TOM1L1: variants seen among roughly 807,000 people sequenced by gnomAD.
The protein encoded by TOM1L1 is target of myb1 like 1 membrane trafficking protein, also known as TOM1-like protein 1.
A neutral mutation model predicts 63.4 loss-of-function variants in TOM1L1; 64 were observed. The ratio of observed to expected loss-of-function variants is 1.01; its 90% CI spans 0.83 to 1.24. The LOEUF (loss-of-function observed/expected upper bound fraction) is 1.24, where lower values mean the gene tolerates loss of function less well. Ranked by LOEUF, TOM1L1 falls within the 50% of genes most tolerant of loss-of-function variation. TOM1L1 has a pLI of 0.00. For missense variants in TOM1L1, 536 were observed against 567.0 expected, an observed-to-expected ratio of 0.95 and a Z score of 0.55; for synonymous variants, 166 against 194.4, an observed-to-expected ratio of 0.85 and a Z score of 1.22.
chr17:54,948,610 C>T (rs915409314), intron 12 of TOM1L1, among the ~76,000 whole-genome samples: 1 of 152,204 alleles, frequency 6.6e-6, no homozygotes, highest in Admixed American at 6.5e-5. Context: ...TCTCTCCCAC[C>T]CACTACTCTG....
At chr17:54,906,362 G>A (rs2048409667) in intron 3 of TOM1L1, among the ~76,000 whole-genome samples, 1 of 151,960 alleles carries the variant, frequency 6.6e-6, no homozygotes, top group Non-Finnish European at 1.5e-5. Context: ...CCAGCTACTT[G>A]GGAGTCTGAG....
intron 7 of TOM1L1, among the ~76,000 whole-genome samples, chr17:54,919,175 A>G (rs1258665564): frequency 6.6e-6 from 1 of 152,208 alleles, no homozygotes; most frequent in Non-Finnish European, 1.5e-5. Context: ...TTTCAAAGGT[A>G]GTAGTCCACA....
chr17:54,919,710 T>C (rs1413670285), intron 7 of TOM1L1, among the ~76,000 whole-genome samples: 1 of 152,350 alleles, frequency 6.6e-6, no homozygotes, highest in East Asian at 1.9e-4. Flanking sequence ...GACTGTTGAA[T>C]GTGGAATGTT....
intron 10 of TOM1L1, 121 bp downstream of exon 10, chr17:54,937,347 T>C: frequency 1.2e-6 from 1 of 807,990 alleles, no homozygotes; most frequent in Admixed American, 2.0e-5. Flanking sequence ...GTCAGAGCGC[T>C]ATGTTAGGAG....
intron 8 of TOM1L1, among the ~76,000 whole-genome samples, chr17:54,931,698 G>A (rs2143864057): frequency 6.6e-6 from 1 of 152,262 alleles, no homozygotes; most frequent in East Asian, 1.9e-4. Flanking sequence ...AGCTACTTAG[G>A]AGGCTGAGGT....
intron 3 of TOM1L1, 37 bp downstream of exon 3, chr17:54,905,604 T>G: frequency 7.7e-7 from 1 of 1,297,902 alleles, no homozygotes; most frequent in Non-Finnish European, 1.1e-6. Flanking sequence ...ACTCGAGGAT[T>G]TCTCAAGCTA....
intron 8 of TOM1L1, among the ~76,000 whole-genome samples, chr17:54,934,596 A>G (rs1191696780): frequency 6.6e-6 from 1 of 152,202 alleles, no homozygotes; most frequent in Non-Finnish European, 1.5e-5. Flanking sequence ...ACATCCAGGG[A>G]ATAGTTGTGC....
intron 5 of TOM1L1, 105 bp downstream of exon 5, chr17:54,913,978 T>G (rs767279648): frequency 1.5e-6 from 2 of 1,312,422 alleles, no homozygotes; most frequent in Non-Finnish European, 2.0e-6. Context: ...AGCAAAAAGA[T>G]GAAGTTATTA....
chr17:54,935,596 G>A, intron 8 of TOM1L1, among the ~76,000 whole-genome samples: 1 of 152,088 alleles, frequency 6.6e-6, no homozygotes, highest in East Asian at 1.9e-4. Flanking sequence ...AACTTTCTGA[G>A]CAAATAGTTC....
Position 54,913,741 on chromosome 17 carries a change from A to G in TOM1L1, c.373-7A>G, listed in dbSNP as rs764294828. On this transcript the variant is annotated splice_polypyrimidine_tract_variant and splice_region_variant and intron_variant, in intron 4 of 15. Transcript: ENST00000575882. ...ACTCTGGAACTTTTTTCATCTCTTG[A>G]ATTCAGACTTGGTCACAGGGCTTCC... 6.3e-7 allele frequency: 1 copy of G among 1,598,154 alleles called. No homozygotes were observed. The highest frequency in any genetic ancestry group is 1.1e-5 in the South Asian group (1 of 89,674).
chr17:54,951,255 G>A (rs967506522), intron 14 of TOM1L1, among the ~76,000 whole-genome samples: 9 of 152,214 alleles, frequency 5.9e-5, no homozygotes, highest in South Asian at 4.1e-4. Context: ...TGCACAGGGC[G>A]AGGCATGCGG....
intron 8 of TOM1L1, among the ~76,000 whole-genome samples, chr17:54,934,478 C>T (rs1353373975): frequency 6.6e-6 from 1 of 152,074 alleles, no homozygotes; most frequent in Admixed American, 6.6e-5. Context: ...TGAGGGTGGG[C>T]GTTACTGTAT....
chr17:54,905,542 A>C lies in TOM1L1; in HGVS notation c.197A>C (p.His66Pro). The C allele has an allele frequency of 3.7e-6, 6 of 1,610,424 alleles. No individual in the cohort carries two copies. Among genetic ancestry groups the C allele is most frequent in the Non-Finnish European group, 5.1e-6 (6 of 1,177,426 alleles). ...LKKRISKNYN[H>P]KEIQLTLSLI... ...AAAAGGATTTCCAAAAACTACAATC[A>C]TAAAGAAATCCAACTTACCTTGTCA... The change falls in exon 3 of 16, where the codon CAT (histidine) becomes CCT (proline). Residue 66 changes from histidine to proline, a missense_variant. Transcript: ENST00000575882.
At chr17:54,902,512 C>T (rs988345832) in intron 1 of TOM1L1, among the ~76,000 whole-genome samples, 7 of 152,020 alleles carry the variant, frequency 4.6e-5, no homozygotes, top group Non-Finnish European at 1.0e-4. Flanking sequence ...CTGGTCTCGA[C>T]CTCCTGACCT....
At chr17:54,915,122 A>G (rs1381184181) in intron 6 of TOM1L1, among the ~76,000 whole-genome samples, 1 of 152,200 alleles carries the variant, frequency 6.6e-6, no homozygotes, top group African/African-American at 2.4e-5. Flanking sequence ...TATTATGCCA[A>G]CTGAATTGTA....
chr17:54,906,431 T>TGTCCTCCA (rs1460540020), intron 3 of TOM1L1, among the ~76,000 whole-genome samples: 6 of 148,768 alleles, frequency 4.0e-5, no homozygotes, highest in African/African-American at 1.5e-4. Context: ...ATCGCACCAC[T>TGTCCTCCA]GTCCTCCAGT....
At chr17:54,917,576 G>A (rs2048611636) in intron 7 of TOM1L1, 1 of 151,990 alleles carries the variant, frequency 6.6e-6, no homozygotes, top group African/African-American at 2.4e-5. Flanking sequence ...ATCTTTCCAA[G>A]GATAATAATT....
At chr17:54,913,665 CAAAAAAAAAA>C (rs58570485) in intron 4 of TOM1L1, 73 bp from the exon 5 acceptor site, 3 of 1,079,688 alleles carry the variant, frequency 2.8e-6, no homozygotes, top group East Asian at 5.3e-5. Flanking sequence ...GACTCTGTCT[CAAAAAAAAAA>C]AAAAAAAAAA....
intron 6 of TOM1L1, among the ~76,000 whole-genome samples, chr17:54,914,981 C>A (rs1345375422): frequency 6.6e-6 from 1 of 152,156 alleles, no homozygotes; most frequent in African/African-American, 2.4e-5. Flanking sequence ...GCTTGCCTAG[C>A]GGCTTTCATG....
Sources: allele counts gnomAD v4.1 joint callset (sites outside exome capture counted in the v4.1 genomes callset), GRCh38; gene constraint gnomAD v4.1.1; transcripts MANE v1.5; gene names NCBI Gene and HGNC (gene_info 2026-07-23, HGNC 2026-07-21).